Variants in ITGB6 observed in about 807,000 individuals in gnomAD.
The protein encoded by ITGB6 is integrin subunit beta 6.
A neutral mutation model predicts 84.5 loss-of-function variants in ITGB6; 80 were observed. The observed-to-expected ratio is 0.95, with a 90% CI of 0.79 to 1.14. The LOEUF (loss-of-function observed/expected upper bound fraction) is 1.14. ITGB6 is among the 50% of genes most tolerant of loss of function. The pLI, the probability that ITGB6 is intolerant of heterozygous loss-of-function variation, is 0.00. For synonymous variants in ITGB6, 383 were observed against 354.9 expected, an observed-to-expected ratio of 1.08 and a Z score of -0.89; for missense variants, 1,006 against 968.0, an observed-to-expected ratio of 1.04 and a Z score of -0.52.
intron 10 of ITGB6, among the ~76,000 whole-genome samples, chr2:160,131,587 G>T (rs1194571181): frequency 6.6e-6 from 1 of 152,104 alleles, no homozygotes; most frequent in East Asian, 1.9e-4. Flanking sequence ...ATGACCATTT[G>T]TTAACCATTT....
At chr2:160,135,628 G>A (rs1270572931) in intron 10 of ITGB6, among the ~76,000 whole-genome samples, 1 of 151,604 alleles carries the variant, frequency 6.6e-6, no homozygotes, top group Non-Finnish European at 1.5e-5. Flanking sequence ...AAAGCTGGAG[G>A]CATCATGCTA....
intron 7 of ITGB6, among the ~76,000 whole-genome samples, chr2:160,147,475 A>T (rs1684243213): frequency 6.6e-6 from 1 of 152,232 alleles, no homozygotes; most frequent in Admixed American, 6.5e-5. Flanking sequence ...GGATATGAAC[A>T]AACTGATTCT....
chr2:160,158,115 A>G (rs1007440114), intron 7 of ITGB6, among the ~76,000 whole-genome samples: 5 of 146,574 alleles, frequency 3.4e-5, no homozygotes, highest in African/African-American at 8.0e-5. Context: ...TCTGGGTTGC[A>G]TGATATCTGC....
chr2:160,128,237 T>C (rs1219677939), intron 10 of ITGB6, among the ~76,000 whole-genome samples: 3 of 150,140 alleles, frequency 2.0e-5, no homozygotes, highest in Non-Finnish European at 1.5e-5. Flanking sequence ...AAGGAAGTAA[T>C]GCTTGAGCTA....
chr2:160,196,366 A>G lies in ITGB6; in HGVS notation c.196T>C (p.Leu66=). ...AAGTTTAATTGACATCCTTTAGCTA[A>G]AAGGTTTGCTGGGGTATCACACCTT... The part of the protein sequence containing the change: ...GERCDTPANL[L]AKGCQLNFIE... Residue 66 remains leucine (L), a synonymous_variant, in exon 3 of 15, where the codon TTA becomes CTA. Transcript: ENST00000283249. 1 of 1,614,082 alleles carries G rather than the reference A, an allele frequency of 6.2e-7. No individual in the cohort carries two copies. Among genetic ancestry groups the G allele is most frequent in the Admixed American group, 1.7e-5 (1 of 60,014 alleles).
chr2:160,164,565 G>A (rs959901035), intron 7 of ITGB6, among the ~76,000 whole-genome samples: 3 of 152,000 alleles, frequency 2.0e-5, no homozygotes, highest in East Asian at 1.9e-4. Flanking sequence ...GCATGGTGGC[G>A]CACATCTGTA....
intron 4 of ITGB6, among the ~76,000 whole-genome samples, chr2:160,195,038 T>C (rs1294688442): frequency 6.6e-6 from 1 of 152,198 alleles, no homozygotes; most frequent in African/African-American, 2.4e-5. Flanking sequence ...CTAGAAAGTG[T>C]CTGAGAGGCT....
chr2:160,133,637 T>C (rs1366366453), intron 10 of ITGB6, among the ~76,000 whole-genome samples: 1 of 152,094 alleles, frequency 6.6e-6, no homozygotes, highest in African/African-American at 2.4e-5. Context: ...TATTCCAAAA[T>C]TGACCACATA....
chr2:160,188,212 G>T (rs193095279), intron 4 of ITGB6, among the ~76,000 whole-genome samples: 1 of 152,194 alleles, frequency 6.6e-6, no homozygotes, highest in African/African-American at 2.4e-5. Context: ...ACAATTATAA[G>T]GTTTGGTTTG....
chr2:160,131,990 G>A (rs1033044824), intron 10 of ITGB6, among the ~76,000 whole-genome samples: 3 of 152,126 alleles, frequency 2.0e-5, no homozygotes, highest in Non-Finnish European at 1.5e-5. Flanking sequence ...GATTTAAAGG[G>A]TGAAATATAG....
At position 160,162,254 on chromosome 2, in the gene ITGB6, C is replaced by T. The variant is rs10206327; in HGVS notation, c.1017+6958G>A. On this transcript the variant is annotated intron_variant, in intron 7 of 14. Coordinates refer to ENST00000283249, the MANE Select transcript of ITGB6 (RefSeq NM_000888.5). Reference sequence around the variant, plus strand: ...TAATAAGAAAATATAATAAAAAACCCCAAATATATAACATTGAGTCAAAAA... The same window carrying T: ...TAATAAGAAAATATAATAAAAAACCTCAAATATATAACATTGAGTCAAAAA... Among the ~76,000 whole-genome samples, 740 of 151,544 alleles carry T rather than the reference C, an allele frequency of 4.9e-3. 8 individuals carry two copies. Among genetic ancestry groups the T allele is most frequent in the African/African-American group, 0.017 (711 of 41,214 alleles).
chr2:160,178,991 T>C (rs532693780), intron 4 of ITGB6: 130 of 152,222 alleles, frequency 8.5e-4, no homozygotes, highest in African/African-American at 2.9e-3. Flanking sequence ...GTTCATTTTC[T>C]AACAAATGTT....
intron 4 of ITGB6, among the ~76,000 whole-genome samples, chr2:160,180,587 G>A (rs1685625449): frequency 6.6e-6 from 1 of 152,214 alleles, no homozygotes; most frequent in Non-Finnish European, 1.5e-5. Flanking sequence ...AGACCTTGCA[G>A]GAGGTCCTTC....
intron 6 of ITGB6, among the ~76,000 whole-genome samples, chr2:160,170,456 G>A (rs562453100): frequency 6.6e-6 from 1 of 152,148 alleles, no homozygotes; most frequent in Non-Finnish European, 1.5e-5. Context: ...AATCCTTTAC[G>A]CTGATGCCTA....
rs550978018 is a variant in ITGB6, at chr2:160,195,205, A to C, written c.593+164T>G. On this transcript the variant is annotated intron_variant, in intron 4 of 14. Coordinates refer to ENST00000283249, the MANE Select transcript of ITGB6 (RefSeq NM_000888.5). ...AGAACCATGTAGTTCAGATGACCTC[A>C]CCTCCACTCTAAGCAACCTAGGCCT... Among the ~76,000 whole-genome samples, 7 of 152,222 alleles carry C rather than the reference A, an allele frequency of 4.6e-5. No individual in the cohort carries two copies. The East Asian group carries it at 1.4e-3, about 29-fold the overall frequency.
Position 160,126,549 on chromosome 2 carries a change from G to C in ITGB6, c.1713C>G (p.Gly571=), listed in dbSNP as rs2305819. 0.17 allele frequency: 279,463 copies of C among 1,613,672 alleles called. 26,694 individuals are homozygous for C. Among genetic ancestry groups the C allele is most frequent in the East Asian group, 0.33 (14,998 of 44,862 alleles). ...GECVCRSGWT[G]EYCNCTTSTD... is the part of the protein sequence containing the mutation. ...TGCTGGTGGTGCAGTTGCAGTACTC[G>C]CCAGTCCAGCCGCTCCTGCACACAC... The change falls in exon 11 of 15, where the codon GGC becomes GGG. Residue 571 remains glycine, a synonymous_variant. Transcript: ENST00000283249.
chr2:160,132,838 A>T (rs1177485216), intron 10 of ITGB6, among the ~76,000 whole-genome samples: 1 of 152,024 alleles, frequency 6.6e-6, no homozygotes, highest in African/African-American at 2.4e-5. Flanking sequence ...TCTACTTTAA[A>T]TTTTTCTCAA....
In ITGB6 at chr2:160,200,139, G is replaced by A. The variant is rs566427299; in HGVS notation, c.-76C>T. ...CGTTACAAGACCAACGCTGAATATC[G>A]TTAAAGTCTTTCTTTCTTGAAGTAT... On this transcript the variant is annotated 5_prime_UTR_variant, in exon 1 of 15. In the 5' UTR this introduces an upstream ATG that the reference lacks. Transcript: ENST00000283249. The A allele has an allele frequency of 1.5e-5, 17 of 1,119,308 alleles. No individual in the cohort carries two copies. Among genetic ancestry groups the A allele is most frequent in the South Asian group, 2.6e-5 (2 of 77,496 alleles). The allele number at this position is 1,119,308 out of a possible 1,614,324, so 69.3% of individuals were successfully genotyped here. A position where few individuals can be genotyped will look rare whatever the true frequency, so the allele number is the denominator to read the frequency against.
chr2:160,179,637 C>T (rs1332442487), intron 4 of ITGB6, among the ~76,000 whole-genome samples: 1 of 150,928 alleles, frequency 6.6e-6, no homozygotes, highest in East Asian at 2.0e-4. Flanking sequence ...AGGTGATCTG[C>T]CCACCTCGGC....
Sources: gnomAD v4.1 joint callset for allele counts (sites outside exome capture counted in the v4.1 genomes callset) on GRCh38, gnomAD v4.1.1 for gene constraint, MANE v1.5 for transcripts, NCBI Gene and HGNC (gene_info 2026-07-23, HGNC 2026-07-21) for gene names.